CCSER1: variants seen among roughly 807,000 people sequenced by gnomAD.
CCSER1 encodes the protein coiled-coil serine rich protein 1, also known as serine-rich coiled-coil domain-containing protein 1.
In CCSER1, 41 loss-of-function variants were observed where a neutral mutation model predicts 82.0. The ratio of observed to expected loss-of-function variants is 0.50; its 90% CI spans 0.39 to 0.65. CCSER1 has a LOEUF of 0.65. Ranked by LOEUF, CCSER1 falls within the 30% of genes least tolerant of loss-of-function variation. The pLI is 0.00. For synonymous variants in CCSER1, 414 were observed against 383.9 expected (o/e 1.08, Z -0.92); for missense variants, 1,119 against 1,064.2 (o/e 1.05, Z -0.72).
intron 10 of CCSER1, among the ~76,000 whole-genome samples, chr4:91,380,659 C>A (rs926318064): frequency 2.0e-5 from 3 of 152,126 alleles, no homozygotes; most frequent in Admixed American, 1.3e-4. Flanking sequence ...TGAGATGGAT[C>A]TCCTGAATAC....
At chr4:91,075,519 A>G (rs1311659360) in intron 9 of CCSER1, among the ~76,000 whole-genome samples, 2 of 152,114 alleles carry the variant, frequency 1.3e-5, no homozygotes, top group African/African-American at 4.8e-5. Flanking sequence ...TGAATCTTAT[A>G]TTAATATTAA....
intron 7 of CCSER1, among the ~76,000 whole-genome samples, chr4:90,785,803 A>G (rs1178355410): frequency 1.3e-5 from 2 of 152,146 alleles, no homozygotes; most frequent in East Asian, 3.9e-4. Flanking sequence ...TTTTTAATTT[A>G]ATGAACAAAA....
intron 10 of CCSER1, among the ~76,000 whole-genome samples, chr4:91,232,936 A>C (rs907477587): frequency 4.0e-5 from 6 of 151,840 alleles, no homozygotes; most frequent in Non-Finnish European, 8.9e-5. Context: ...AGACATATAC[A>C]TGGGTAGATA....
chr4:91,320,581 G>A (rs1430934635), intron 10 of CCSER1, among the ~76,000 whole-genome samples: 1 of 152,014 alleles, frequency 6.6e-6, no homozygotes, highest in African/African-American at 2.4e-5. Context: ...GAAGAGTGCT[G>A]TCATTTCCTT....
Position 91,508,267 on chromosome 4 carries a change from AG to A in CCSER1, c.2218-90304del, listed in dbSNP as rs146577757. 1.9e-3 allele frequency among the ~76,000 whole-genome samples: 289 copies of A among 149,818 alleles called. 1 individual carries two copies. Among genetic ancestry groups the A allele is most frequent in the African/African-American group, 6.8e-3 (277 of 40,932 alleles). ...ATTGATCTTCACATATGAAATTTGAAGAAGTTCCTTTCATTTCTACCTTCTT... is the reference window on the plus strand; with the variant it reads ...ATTGATCTTCACATATGAAATTTGAAAAGTTCCTTTCATTTCTACCTTCTT... On this transcript the variant is annotated intron_variant, in intron 10 of 10. Transcript: ENST00000509176.
At chr4:91,267,295 G>T (rs1741672951) in intron 10 of CCSER1, among the ~76,000 whole-genome samples, 3 of 147,392 alleles carry the variant, frequency 2.0e-5, no homozygotes, top group South Asian at 4.2e-4. Flanking sequence ...TTAGTTTTTT[G>T]GGGGGGTTCT....
chr4:91,080,987 G>T (rs749886564), intron 9 of CCSER1, among the ~76,000 whole-genome samples: 15 of 152,148 alleles, frequency 9.9e-5, no homozygotes, highest in Non-Finnish European at 2.1e-4. Context: ...GTACAAAGAG[G>T]AGCTGGTTCC....
chr4:90,278,553 C>T (rs1728293080), intron 1 of CCSER1, among the ~76,000 whole-genome samples: 1 of 151,964 alleles, frequency 6.6e-6, no homozygotes, highest in Non-Finnish European at 1.5e-5. Context: ...AGGCCATTAT[C>T]CTAAGTGAAC....
chr4:91,409,162 C>A (rs759188850), intron 10 of CCSER1, among the ~76,000 whole-genome samples: 6 of 152,170 alleles, frequency 3.9e-5, no homozygotes, highest in Non-Finnish European at 8.8e-5. Flanking sequence ...TCTCAGTAGA[C>A]CTTTTCCCCT....
intron 5 of CCSER1, among the ~76,000 whole-genome samples, chr4:90,480,151 G>GT (rs1765715899): frequency 6.6e-6 from 1 of 152,076 alleles, no homozygotes; most frequent in African/African-American, 2.4e-5. Context: ...TTTTTCATGT[G>GT]TTTTTTGGCT....
At chr4:91,268,943 C>T (rs1741822986) in intron 10 of CCSER1, among the ~76,000 whole-genome samples, 1 of 152,172 alleles carries the variant, frequency 6.6e-6, no homozygotes, top group Admixed American at 6.5e-5. Flanking sequence ...CAGGCTTGGG[C>T]TCAGAGGCCT....
At chr4:90,785,726 AT>A (rs74788684) in intron 7 of CCSER1, among the ~76,000 whole-genome samples, 8,948 of 151,514 alleles carry the variant, frequency 0.059, 382 homozygotes, top group Admixed American at 0.11. Flanking sequence ...TAAGTTGTCA[AT>A]TTTTTTTTAC....
At chr4:90,393,793 T>A (rs201100366) in intron 3 of CCSER1, among the ~76,000 whole-genome samples, 3 of 145,840 alleles carry the variant, frequency 2.1e-5, no homozygotes, top group South Asian at 2.2e-4. Flanking sequence ...TTTTTTTTTT[T>A]TGGGACAGGA....
At chr4:91,248,956 T>A (rs1170222686) in intron 10 of CCSER1, among the ~76,000 whole-genome samples, 2 of 152,126 alleles carry the variant, frequency 1.3e-5, no homozygotes, top group Non-Finnish European at 2.9e-5. Flanking sequence ...TTCCCTGACA[T>A]TCTCTGTAGA....
intron 7 of CCSER1, among the ~76,000 whole-genome samples, chr4:90,801,531 C>T (rs894621824): frequency 3.9e-5 from 6 of 152,122 alleles, no homozygotes; most frequent in Admixed American, 6.5e-5. Flanking sequence ...CATTCTTCCT[C>T]AATTGCTTGA....
At chr4:91,183,835 G>A (rs1000022002) in intron 10 of CCSER1, among the ~76,000 whole-genome samples, 12 of 152,236 alleles carry the variant, frequency 7.9e-5, no homozygotes, top group African/African-American at 2.4e-4. Flanking sequence ...GTTAATTGCC[G>A]AGGGCTAGTA....
chr4:90,835,172 AT>A (rs199648110), intron 8 of CCSER1, among the ~76,000 whole-genome samples: 2,345 of 152,172 alleles, frequency 0.015, 71 homozygotes, highest in African/African-American at 0.054. Context: ...TCTACTAAAA[AT>A]ACAAAAAATT....
chr4:91,163,939 A>C (rs1731738633), intron 10 of CCSER1, among the ~76,000 whole-genome samples: 1 of 152,122 alleles, frequency 6.6e-6, no homozygotes, highest in African/African-American at 2.4e-5. Flanking sequence ...ATTTAAGGTT[A>C]ATATTGTTAT....
At chr4:91,179,997 G>T (rs1474094954) in intron 10 of CCSER1, among the ~76,000 whole-genome samples, 3 of 152,152 alleles carry the variant, frequency 2.0e-5, no homozygotes. Flanking sequence ...TGGTGTGGAT[G>T]TCCTTTCTGT....
Sources: allele counts gnomAD v4.1 joint callset (sites outside exome capture counted in the v4.1 genomes callset), GRCh38; gene constraint gnomAD v4.1.1; transcripts MANE v1.5; gene names NCBI Gene and HGNC (gene_info 2026-07-23, HGNC 2026-07-21).